Variants in FAM167A observed in about 807,000 individuals in gnomAD.
The protein encoded by FAM167A is family with sequence similarity 167 member A.
FAM167A carries 23 observed loss-of-function variants against 14.9 expected under a neutral mutation model. The ratio of observed to expected loss-of-function variants is 1.55; its 90% CI spans 1.11 to 2.19. The LOEUF (loss-of-function observed/expected upper bound fraction) is 2.19, where lower values mean the gene tolerates loss of function less well. FAM167A is among the 30% of genes most tolerant of loss of function. The probability of loss-of-function intolerance (pLI) is 0.00; values close to 1 mark genes in which losing one functional copy is unlikely to be tolerated. For synonymous variants in FAM167A, 174 were observed against 117.7 expected (o/e 1.48, Z -3.10); for missense variants, 401 against 281.5 (o/e 1.42, Z -3.04).
intron 1 of FAM167A, among the ~76,000 whole-genome samples, chr8:11,454,189 A>G (rs1807139692): frequency 6.6e-6 from 1 of 152,148 alleles, no homozygotes; most frequent in African/African-American, 2.4e-5. Context: ...TGGGTTGCCC[A>G]TGGCTCTGCT....
chr8:11,450,743 C>A (rs989503541), intron 1 of FAM167A, among the ~76,000 whole-genome samples: 4 of 152,220 alleles, frequency 2.6e-5, no homozygotes, highest in Non-Finnish European at 4.4e-5. Flanking sequence ...AGCGACCTGT[C>A]CTTGCTCAAA....
chr8:11,434,496 C>T (rs868775750), intron 2 of FAM167A, among the ~76,000 whole-genome samples: 3 of 152,060 alleles, frequency 2.0e-5, no homozygotes, highest in African/African-American at 7.2e-5. Context: ...GGTGAGTTTG[C>T]TGGGAGGGAG....
intron 2 of FAM167A, chr8:11,443,696 G>A (rs1333184717): frequency 4.0e-6 from 1 of 247,736 alleles, no homozygotes; most frequent in Admixed American, 5.1e-5. Flanking sequence ...ACAGAGGGAG[G>A]GGCAGTCACA....
rs1459802866 is a variant in FAM167A, at chr8:11,423,213, G to A, written c.*1160C>T. On this transcript the variant is annotated 3_prime_UTR_variant, in exon 3 of 3. Transcript: ENST00000284486. ...GGTCTGGCCGAGGGACCCCTGCCATGCCGTATGACCCCAGACTGACCTCCC... is the reference window on the plus strand; with the variant it reads ...GGTCTGGCCGAGGGACCCCTGCCATACCGTATGACCCCAGACTGACCTCCC... 6.6e-6 allele frequency: 1 copy of A among 152,204 alleles called. No individual in the cohort carries two copies. The highest frequency in any genetic ancestry group is 1.5e-5 in the Non-Finnish European group (1 of 68,006). The allele number at this position is 152,204 out of a possible 1,614,324, so 9.4% of individuals were successfully genotyped here. A position where few individuals can be genotyped will look rare whatever the true frequency, so the allele number is the denominator to read the frequency against.
intron 1 of FAM167A, among the ~76,000 whole-genome samples, chr8:11,455,910 TGA>T (rs2117128733): frequency 7.6e-6 from 1 of 131,364 alleles, no homozygotes. Context: ...AGTGTGAGTG[TGA>T]GGGGTGGTTG....
At chr8:11,443,226 G>A (rs114142566) in intron 2 of FAM167A, among the ~76,000 whole-genome samples, 1 of 152,188 alleles carries the variant, frequency 6.6e-6, no homozygotes, top group Non-Finnish European at 1.5e-5. Flanking sequence ...TCTCCCCTGG[G>A]GGGGTGGAAG....
At position 11,465,299 on chromosome 8, in the gene FAM167A, C is replaced by G. The variant is rs543335697; in HGVS notation, c.-398+1327G>C. Among the ~76,000 whole-genome samples, 4 of 152,294 alleles carry G rather than the reference C, an allele frequency of 2.6e-5. No homozygotes were observed. In the South Asian group the frequency reaches 6.2e-4, roughly 24 times the overall value. Reference sequence around the variant, plus strand: ...AGATGCCTCAGATTTCCCAAAGCAGCCTTCGTCTGAGAGCACTGTCCCGGG... The same window carrying G: ...AGATGCCTCAGATTTCCCAAAGCAGGCTTCGTCTGAGAGCACTGTCCCGGG... On this transcript the variant is annotated intron_variant, in intron 1 of 2. Transcript: ENST00000284486.
chr8:11,437,296 G>C (rs1402132585), intron 2 of FAM167A, among the ~76,000 whole-genome samples: 3 of 152,150 alleles, frequency 2.0e-5, no homozygotes, highest in South Asian at 4.2e-4. Flanking sequence ...TACCCGGAAA[G>C]ATTGCTGTGG....
intron 2 of FAM167A, among the ~76,000 whole-genome samples, chr8:11,440,298 G>A (rs906268282): frequency 3.2e-4 from 49 of 152,212 alleles, no homozygotes; most frequent in African/African-American, 1.1e-3. Context: ...CGCACTAAGA[G>A]GCTTGGAGGA....
intron 2 of FAM167A, among the ~76,000 whole-genome samples, chr8:11,431,663 C>T (rs1805600541): frequency 6.6e-6 from 1 of 152,064 alleles, no homozygotes; most frequent in Non-Finnish European, 1.5e-5. Flanking sequence ...CTCCTTAGTC[C>T]TGGGCAAATA....
Position 11,444,591 on chromosome 8 carries a change from T to G in FAM167A, c.-180A>C. On this transcript the variant is annotated 5_prime_UTR_variant, in exon 2 of 3. Transcript: ENST00000284486. ...AGGGGAGCTGAGAGGGACCGCGCAG[T>G]GAGCCGCACAGGGCGCCCTCCTGGA... 7.1e-7 allele frequency: 1 copy of G among 1,416,302 alleles called. No individual in the cohort carries two copies. The highest frequency in any genetic ancestry group is 1.6e-5 in the South Asian group (1 of 63,476). The allele number at this position is 1,416,302 out of a possible 1,614,324, so 87.7% of individuals were successfully genotyped here. A position where few individuals can be genotyped will look rare whatever the true frequency, so the allele number is the denominator to read the frequency against.
chr8:11,456,098 CTG>C (rs1201675627), intron 1 of FAM167A, among the ~76,000 whole-genome samples: 1 of 93,438 alleles, frequency 1.1e-5, no homozygotes. Flanking sequence ...GGTTGCCTTG[CTG>C]TGTGTGTGTG....
chr8:11,421,768 TG>T lies in FAM167A; in HGVS notation c.*2604del. 2.5e-6 allele frequency: 1 copy of T among 399,024 alleles called. No individual in the cohort carries two copies. Among genetic ancestry groups the T allele is most frequent in the Admixed American group, 4.4e-5 (1 of 22,730 alleles). The allele number at this position is 399,024 out of a possible 1,614,324, so 24.7% of individuals were successfully genotyped here. ...TTTTACACCCAGCGATGCTTGGGGATGGCAGAGAGATGGATGGATAATGAGT... is the reference window on the plus strand; with the variant it reads ...TTTTACACCCAGCGATGCTTGGGGATGCAGAGAGATGGATGGATAATGAGT... On this transcript the variant is annotated 3_prime_UTR_variant, in exon 3 of 3. Transcript: ENST00000284486.
upstream of FAM167A, among the ~76,000 whole-genome samples, chr8:11,472,399 G>A (rs962403160): frequency 1.9e-4 from 28 of 150,868 alleles, no homozygotes; most frequent in African/African-American, 6.8e-4. Context: ...AACATGCACA[G>A]CATTTGTTTT....
intron 2 of FAM167A, among the ~76,000 whole-genome samples, chr8:11,426,925 T>G (rs568432884): frequency 6.6e-6 from 1 of 152,312 alleles, no homozygotes; most frequent in Non-Finnish European, 1.5e-5. Context: ...GGGATGACTT[T>G]GAGTTTTGTC....
At chr8:11,440,303 G>A (rs1806356583) in intron 2 of FAM167A, among the ~76,000 whole-genome samples, 1 of 152,224 alleles carries the variant, frequency 6.6e-6, no homozygotes, top group African/African-American at 2.4e-5. Flanking sequence ...TAAGAGGCTT[G>A]GAGGATCTCC....
At chr8:11,468,195 G>A (rs567615805), upstream of FAM167A, among the ~76,000 whole-genome samples, 17 of 152,324 alleles carry the variant, frequency 1.1e-4, no homozygotes, top group Middle Eastern at 0.01. Flanking sequence ...AGTCTCAGCT[G>A]CTTCTGCTTA....
chr8:11,421,979 C>T lies in FAM167A; in HGVS notation c.*2394G>A, dbSNP rs1000960028. On this transcript the variant is annotated 3_prime_UTR_variant, in exon 3 of 3. Transcript: ENST00000284486. ...TCAACACTGGACGATGTTTAGAAAA[C>T]ATCGCTGTCCCCCTCCACTTCTCAT... 1.3e-5 allele frequency: 5 copies of T among 396,780 alleles called. No homozygotes were observed. Among genetic ancestry groups the T allele is most frequent in the African/African-American group, 8.2e-5 (4 of 48,606 alleles). The allele number at this position is 396,780 out of a possible 1,614,324, so 24.6% of individuals were successfully genotyped here.
In FAM167A at chr8:11,422,558, G is replaced by C. The variant is rs1222758419; in HGVS notation, c.*1815C>G. 1 of 152,680 alleles carries C rather than the reference G, an allele frequency of 6.5e-6. No individual in the cohort carries two copies. The highest frequency in any genetic ancestry group is 1.5e-5 in the Non-Finnish European group (1 of 68,050). The allele number at this position is 152,680 out of a possible 1,614,324, so 9.5% of individuals were successfully genotyped here. A position where few individuals can be genotyped will look rare whatever the true frequency, so the allele number is the denominator to read the frequency against. On this transcript the variant is annotated 3_prime_UTR_variant, in exon 3 of 3. Coordinates refer to ENST00000284486, the MANE Select transcript of FAM167A (RefSeq NM_053279.3). ...AGACTTCATTGCACAGAGCATGGCAGACAGTAGATCTTGGCTGCGTTGTTC... is the reference window on the plus strand; with the variant it reads ...AGACTTCATTGCACAGAGCATGGCACACAGTAGATCTTGGCTGCGTTGTTC...
Sources: allele counts gnomAD v4.1 joint callset (sites outside exome capture counted in the v4.1 genomes callset), GRCh38; gene constraint gnomAD v4.1.1; transcripts MANE v1.5; gene names NCBI Gene and HGNC (gene_info 2026-07-23, HGNC 2026-07-21).